Variants in CRIM1 observed in about 807,000 individuals in gnomAD.
The protein encoded by CRIM1 is cysteine-rich motor neuron 1 protein.
A neutral mutation model predicts 116.4 loss-of-function variants in CRIM1; 32 were observed. The observed-to-expected ratio is 0.27, with a 90% CI of 0.21 to 0.37. The LOEUF (loss-of-function observed/expected upper bound fraction) is 0.37. Ranked by LOEUF, CRIM1 falls within the 10% of genes least tolerant of loss-of-function variation. The probability of loss-of-function intolerance (pLI) is 1.00; values close to 1 mark genes in which losing one functional copy is unlikely to be tolerated. For synonymous variants in CRIM1, 590 were observed against 509.2 expected, an observed-to-expected ratio of 1.16 and a Z score of -2.13; for missense variants, 1,331 against 1,354.8, an observed-to-expected ratio of 0.98 and a Z score of 0.28.
At chr2:36,485,309 T>C (rs1307044149) in intron 7 of CRIM1, among the ~76,000 whole-genome samples, 2 of 152,230 alleles carry the variant, frequency 1.3e-5, no homozygotes. Context: ...GAAGACTGGA[T>C]GTCAGGCACG....
intron 1 of CRIM1, among the ~76,000 whole-genome samples, chr2:36,392,474 A>G (rs1309761372): frequency 2.0e-5 from 3 of 152,148 alleles, no homozygotes; most frequent in African/African-American, 7.2e-5. Flanking sequence ...GACCAGTCCA[A>G]GGAGAAACCA....
chr2:36,417,342 T>C (rs1218130705), intron 2 of CRIM1, among the ~76,000 whole-genome samples: 1 of 152,224 alleles, frequency 6.6e-6, no homozygotes, highest in Non-Finnish European at 1.5e-5. Flanking sequence ...CTTTGTTTAT[T>C]GGCCTGTTTC....
chr2:36,417,916 G>T (rs1211200147), intron 2 of CRIM1, among the ~76,000 whole-genome samples: 1 of 152,202 alleles, frequency 6.6e-6, no homozygotes, highest in Non-Finnish European at 1.5e-5. Context: ...GAACATTGAA[G>T]GATGAACAGG....
chr2:36,396,714 C>T lies in CRIM1; in HGVS notation c.432C>T (p.Thr144=), dbSNP rs542109966. ...TCAATGGGAAATGTGAATGTAACAC[C>T]ATTCGAACCTGCAGCAATCCCTTTG... ...NIINGKCECN[T]IRTCSNPFEF... The change falls in exon 2 of 17, where the codon ACC becomes ACT. Residue 144 remains threonine (T), a synonymous_variant. Transcript: ENST00000280527. 1.2e-6 allele frequency: 2 copies of T among 1,613,692 alleles called. No homozygotes were observed. The highest frequency in any genetic ancestry group is 1.7e-5 in the Admixed American group (1 of 60,016).
chr2:36,466,247 A>T (rs116692727), intron 5 of CRIM1, among the ~76,000 whole-genome samples: 3 of 151,918 alleles, frequency 2.0e-5, no homozygotes, highest in African/African-American at 7.3e-5. Context: ...GACATTGGGG[A>T]TGGGGGATAG....
chr2:36,509,474 C>T (rs1482585901), intron 8 of CRIM1, among the ~76,000 whole-genome samples: 3 of 152,104 alleles, frequency 2.0e-5, no homozygotes, highest in African/African-American at 7.2e-5. Context: ...TTGCAGTGAG[C>T]CGAAATCACG....
At chr2:36,381,899 G>GA (rs1299710652) in intron 1 of CRIM1, among the ~76,000 whole-genome samples, 1 of 152,232 alleles carries the variant, frequency 6.6e-6, no homozygotes, top group Non-Finnish European at 1.5e-5. Flanking sequence ...TGGGGTTAGT[G>GA]AAAGGGGTGG....
At chr2:36,540,268 CAG>C (rs1666860239) in intron 14 of CRIM1, among the ~76,000 whole-genome samples, 1 of 152,120 alleles carries the variant, frequency 6.6e-6, no homozygotes, top group Non-Finnish European at 1.5e-5. Flanking sequence ...AAAGTCTAAT[CAG>C]AGTGATTTCA....
intron 1 of CRIM1, among the ~76,000 whole-genome samples, chr2:36,394,481 G>A (rs1671861693): frequency 6.6e-6 from 1 of 151,940 alleles, no homozygotes; most frequent in African/African-American, 2.4e-5. Context: ...TTTCAATATG[G>A]TGTTTTTCTT....
chr2:36,380,326 G>C (rs1670646984), intron 1 of CRIM1, among the ~76,000 whole-genome samples: 3 of 152,148 alleles, frequency 2.0e-5, no homozygotes, highest in Admixed American at 6.5e-5. Flanking sequence ...TCTTGTGTCA[G>C]AGGGATTCAG....
chr2:36,504,093 C>T (rs945714099), intron 8 of CRIM1, among the ~76,000 whole-genome samples: 8 of 152,046 alleles, frequency 5.3e-5, no homozygotes, highest in Non-Finnish European at 1.2e-4. Flanking sequence ...AGGCAGGTCA[C>T]GAACTCCTGG....
At chr2:36,366,190 T>C (rs1425001784) in intron 1 of CRIM1, among the ~76,000 whole-genome samples, 1 of 152,220 alleles carries the variant, frequency 6.6e-6, no homozygotes, top group Non-Finnish European at 1.5e-5. Flanking sequence ...TTGGAATCAG[T>C]GGTTTACAAC....
chr2:36,402,145 G>A lies in CRIM1; in HGVS notation c.505+5358G>A, dbSNP rs1672455029. 2.0e-5 allele frequency among the ~76,000 whole-genome samples: 3 copies of A among 152,188 alleles called. No individual in the cohort carries two copies. In the South Asian group the frequency reaches 6.2e-4, roughly 32 times the overall value. Reference sequence around the variant, plus strand: ...AGAGAGCCTGATGGTCACACAGGCAGTAAATACATAAATAAACAAGAAAAT... The same window carrying A: ...AGAGAGCCTGATGGTCACACAGGCAATAAATACATAAATAAACAAGAAAAT... On this transcript the variant is annotated intron_variant, in intron 2 of 16. Transcript: ENST00000280527.
chr2:36,407,912 A>G (rs1389092918), intron 2 of CRIM1, among the ~76,000 whole-genome samples: 1 of 152,154 alleles, frequency 6.6e-6, no homozygotes, highest in African/African-American at 2.4e-5. Flanking sequence ...CCATTCATTC[A>G]TGGATTTTTT....
chr2:36,449,025 T>C (rs962249232), intron 4 of CRIM1, among the ~76,000 whole-genome samples: 1 of 141,532 alleles, frequency 7.1e-6, no homozygotes, highest in Non-Finnish European at 1.6e-5. Flanking sequence ...AGAAGTATTT[T>C]TTTGACTTGT....
intron 5 of CRIM1, among the ~76,000 whole-genome samples, chr2:36,469,194 T>A (rs548459922): frequency 1.1e-4 from 17 of 151,984 alleles, no homozygotes; most frequent in African/African-American, 4.1e-4. Context: ...CCAAGAGTGG[T>A]GGGTGGATGG....
intron 2 of CRIM1, among the ~76,000 whole-genome samples, chr2:36,403,539 G>GTT (rs1263141203): frequency 6.6e-6 from 1 of 152,128 alleles, no homozygotes; most frequent in Non-Finnish European, 1.5e-5. Flanking sequence ...GGGAAGGAGA[G>GTT]TTTAAGAGCA....
At chr2:36,532,210 C>T (rs1204456742) in intron 13 of CRIM1, among the ~76,000 whole-genome samples, 2 of 152,234 alleles carry the variant, frequency 1.3e-5, no homozygotes, top group African/African-American at 2.4e-5. Context: ...TGTGCAGCAG[C>T]GGCAGTACCA....
At chr2:36,480,427 G>T (rs767798190) in intron 7 of CRIM1, among the ~76,000 whole-genome samples, 7 of 152,198 alleles carry the variant, frequency 4.6e-5, no homozygotes, top group Non-Finnish European at 8.8e-5. Flanking sequence ...ATTTCTAATA[G>T]AGGGTATCCA....
Sources: gnomAD v4.1 joint callset for allele counts (sites outside exome capture counted in the v4.1 genomes callset) on GRCh38, gnomAD v4.1.1 for gene constraint, MANE v1.5 for transcripts, NCBI Gene and HGNC (gene_info 2026-07-23, HGNC 2026-07-21) for gene names.